Variants in DLC1 observed in about 807,000 individuals in gnomAD.
DLC1 encodes the protein DLC1 Rho GTPase activating protein, also known as rho GTPase-activating protein 7.
A neutral mutation model predicts 140.3 loss-of-function variants in DLC1; 54 were observed. The ratio of observed to expected loss-of-function variants is 0.38; its 90% CI spans 0.31 to 0.48. The LOEUF (loss-of-function observed/expected upper bound fraction) is 0.48, where lower values mean the gene tolerates loss of function less well. DLC1 is among the 20% of genes least tolerant of loss of function. The pLI, the probability that DLC1 is intolerant of heterozygous loss-of-function variation, is 0.96. For missense variants in DLC1, 2,536 were observed against 1,907.0 expected (o/e 1.33, Z -6.14); for synonymous variants, 986 against 728.1 (o/e 1.35, Z -5.70).
At chr8:13,146,296 T>C (rs1354360741) in intron 5 of DLC1, among the ~76,000 whole-genome samples, 3 of 151,508 alleles carry the variant, frequency 2.0e-5, no homozygotes, top group Non-Finnish European at 2.9e-5. Context: ...AAATACACTG[T>C]AATACGTAAT....
At chr8:13,532,362 C>T (rs369061995) in intron 1 of DLC1, among the ~76,000 whole-genome samples, 1 of 152,122 alleles carries the variant, frequency 6.6e-6, no homozygotes, top group East Asian at 1.9e-4. Context: ...GAAATTAGGC[C>T]CTGAATTACA....
At chr8:13,404,064 C>T (rs1360079272) in intron 2 of DLC1, among the ~76,000 whole-genome samples, 1 of 151,940 alleles carries the variant, frequency 6.6e-6, no homozygotes, top group African/African-American at 2.4e-5. Flanking sequence ...TCTTGTTATG[C>T]TGAAGTCTAA....
Position 13,474,715 on chromosome 8 carries a change from A to G in DLC1, c.1023+24334T>C, listed in dbSNP as rs115568265. Among the ~76,000 whole-genome samples the G allele has an allele frequency of 4.1e-3, 627 of 152,300 alleles. 10 individuals carry two copies. Among genetic ancestry groups the G allele is most frequent in the African/African-American group, 0.015 (608 of 41,552 alleles). ...CATCTGGATGTGAGACATACAGTCA[A>G]AGAAGATCGCTTTGGAGTTTTAAGA... On this transcript the variant is annotated intron_variant, in intron 2 of 17. Coordinates refer to ENST00000276297, the MANE Select transcript of DLC1 (RefSeq NM_182643.3).
Position 13,156,434 on chromosome 8 carries a change from A to C in DLC1, c.1349-40777T>G, listed in dbSNP as rs541185213. Among the ~76,000 whole-genome samples, 78 of 152,310 alleles carry C rather than the reference A, an allele frequency of 5.1e-4. 1 individual carries two copies. The South Asian group carries it at 0.015, about 30-fold the overall frequency. On this transcript the variant is annotated intron_variant, in intron 5 of 17. Coordinates refer to ENST00000276297, the MANE Select transcript of DLC1 (RefSeq NM_182643.3). ...AGATGCTTTTTATATATTAGCTCTC[A>C]CTATGCTTTACATTGTTCTGTTGTG...
At chr8:13,462,544 C>T (rs1799719569) in intron 2 of DLC1, among the ~76,000 whole-genome samples, 1 of 150,436 alleles carries the variant, frequency 6.6e-6, no homozygotes, top group Non-Finnish European at 1.5e-5. Flanking sequence ...GGTGGGACTA[C>T]AGGTGTCCGC....
At chr8:13,320,500 T>C (rs192132490) in intron 4 of DLC1, among the ~76,000 whole-genome samples, 85 of 152,330 alleles carry the variant, frequency 5.6e-4, no homozygotes, top group Non-Finnish European at 1.0e-3. Flanking sequence ...AGGATTATAA[T>C]AGAGCAGGGT....
chr8:13,498,057 A>G (rs1392451684), intron 2 of DLC1, among the ~76,000 whole-genome samples: 2 of 152,196 alleles, frequency 1.3e-5, no homozygotes, highest in African/African-American at 4.8e-5. Context: ...AGAACAAAGA[A>G]CATTACTTTT....
chr8:13,261,157 G>A (rs944721843), intron 5 of DLC1, among the ~76,000 whole-genome samples: 2 of 152,206 alleles, frequency 1.3e-5, no homozygotes, highest in East Asian at 3.9e-4. Flanking sequence ...TAACATGCCA[G>A]AAGTGGATCG....
At chr8:13,332,953 A>G (rs1425894172) in intron 4 of DLC1, among the ~76,000 whole-genome samples, 1 of 152,196 alleles carries the variant, frequency 6.6e-6, no homozygotes, top group Non-Finnish European at 1.5e-5. Context: ...TTTAAAGAAA[A>G]TAAAATTTAT....
At chr8:13,501,901 C>T (rs1801838333) in intron 1 of DLC1, among the ~76,000 whole-genome samples, 1 of 152,186 alleles carries the variant, frequency 6.6e-6, no homozygotes, top group South Asian at 2.1e-4. Flanking sequence ...TTTCTGCTTT[C>T]ATGGGCACAT....
rs78136887 is a variant in DLC1 at position 13,583,740 on chromosome 8, A to C, written c.-126+20797T>G. 7.7e-4 allele frequency: 118 copies of C among 152,398 alleles called. 1 individual carries two copies. Among genetic ancestry groups the C allele is most frequent in the African/African-American group, 2.7e-3 (113 of 41,566 alleles). 9.4% of individuals were successfully genotyped at this position (152,398 alleles called of 1,614,324 possible). A position where few individuals can be genotyped will look rare whatever the true frequency, so the allele number is the denominator to read the frequency against. On this transcript the variant is annotated intron_variant, in intron 1 of 1. Coordinates refer to the DLC1 transcript ENST00000631382. ...ACACTATTGCATCTTTCTGTTAGAGAGTCGGTGTCTCTGAGTTCAATGTCT... is the reference window on the plus strand; with the variant it reads ...ACACTATTGCATCTTTCTGTTAGAGCGTCGGTGTCTCTGAGTTCAATGTCT...
At chr8:13,415,945 T>G (rs927386299) in intron 2 of DLC1, among the ~76,000 whole-genome samples, 2 of 152,200 alleles carry the variant, frequency 1.3e-5, no homozygotes, top group Non-Finnish European at 2.9e-5. Flanking sequence ...CTGGGAAGTT[T>G]CAAACAACTA....
intron 5 of DLC1, among the ~76,000 whole-genome samples, chr8:13,266,270 G>A (rs1830685374): frequency 6.6e-6 from 1 of 152,158 alleles, no homozygotes; most frequent in Non-Finnish European, 1.5e-5. Flanking sequence ...ATCTACAAGG[G>A]AAGCATTCTG....
intron 4 of DLC1, among the ~76,000 whole-genome samples, chr8:13,359,172 C>T (rs1339385200): frequency 1.3e-5 from 2 of 152,168 alleles, no homozygotes; most frequent in African/African-American, 2.4e-5. Context: ...ATCTCCTGAC[C>T]TCGTGATCCA....
intron 4 of DLC1, among the ~76,000 whole-genome samples, chr8:13,385,771 C>A (rs1267503938): frequency 3.3e-5 from 5 of 152,164 alleles, no homozygotes; most frequent in Admixed American, 3.3e-4. Context: ...CACATGAAAT[C>A]CTTGCTTAAA....
intron 4 of DLC1, among the ~76,000 whole-genome samples, chr8:13,345,424 C>A (rs941622878): frequency 3.3e-5 from 5 of 151,510 alleles, no homozygotes; most frequent in African/African-American, 9.7e-5. Context: ...CTGGGAGTGG[C>A]AATGAGGGAG....
At chr8:13,408,354 A>G (rs1240595352) in intron 2 of DLC1, among the ~76,000 whole-genome samples, 2 of 152,240 alleles carry the variant, frequency 1.3e-5, no homozygotes, top group Non-Finnish European at 1.5e-5. Context: ...GCTTTATATT[A>G]TCTGTTTAAA....
At chr8:13,428,122 T>C (rs943829816) in intron 2 of DLC1, among the ~76,000 whole-genome samples, 5 of 152,098 alleles carry the variant, frequency 3.3e-5, no homozygotes, top group African/African-American at 7.2e-5. Flanking sequence ...TTCCAGGCTT[T>C]TGTATGGGCG....
At chr8:13,295,009 C>T (rs1470737962) in intron 5 of DLC1, among the ~76,000 whole-genome samples, 3 of 152,112 alleles carry the variant, frequency 2.0e-5, no homozygotes, top group South Asian at 2.1e-4. Flanking sequence ...AAACTTCAAC[C>T]GAAACATCTG....
Sources: gnomAD v4.1 joint callset for allele counts (sites outside exome capture counted in the v4.1 genomes callset) on GRCh38, gnomAD v4.1.1 for gene constraint, MANE v1.5 for transcripts, NCBI Gene and HGNC (gene_info 2026-07-23, HGNC 2026-07-21) for gene names.